The following SLC25A26 variants were observed in gnomAD, a reference collection of about 807,000 sequenced individuals.
SLC25A26 encodes the protein mitochondrial S-adenosylmethionine carrier protein.
SLC25A26 carries 36 observed loss-of-function variants against 37.8 expected under a neutral mutation model. The ratio of observed to expected loss-of-function variants is 0.95; its 90% CI spans 0.73 to 1.26. SLC25A26 has a LOEUF of 1.26. SLC25A26 is among the 50% of genes most tolerant of loss of function. SLC25A26 has a pLI of 0.00. For synonymous variants in SLC25A26, 129 were observed against 122.5 expected, an observed-to-expected ratio of 1.05 and a Z score of -0.35; for missense variants, 390 against 331.1, an observed-to-expected ratio of 1.18 and a Z score of -1.38.
intron 7 of SLC25A26, among the ~76,000 whole-genome samples, chr3:66,367,729 G>C (rs946339944): frequency 6.6e-6 from 1 of 150,990 alleles, no homozygotes; most frequent in African/African-American, 2.5e-5. Flanking sequence ...GAGAGAGAGA[G>C]AGACAGATAG....
At chr3:66,311,365 C>G (rs1271140410) in intron 5 of SLC25A26, among the ~76,000 whole-genome samples, 1 of 152,042 alleles carries the variant, frequency 6.6e-6, no homozygotes, top group Non-Finnish European at 1.5e-5. Context: ...CGTGTCTAAA[C>G]TGGTTATTCT....
At chr3:66,351,652 A>G (rs549539093) in intron 6 of SLC25A26, among the ~76,000 whole-genome samples, 13 of 152,296 alleles carry the variant, frequency 8.5e-5, no homozygotes, top group African/African-American at 2.4e-4. Context: ...CTGAGTGGCT[A>G]GGTCAGAACA....
At chr3:66,161,867 C>T (rs2070364429) in intron 1 of SLC25A26, among the ~76,000 whole-genome samples, 1 of 152,036 alleles carries the variant, frequency 6.6e-6, no homozygotes, top group African/African-American at 2.4e-5. Context: ...GAAGACAGAC[C>T]CAGAAAGGAG....
At chr3:66,340,472 C>T (rs1279840704) in intron 5 of SLC25A26, among the ~76,000 whole-genome samples, 1 of 151,710 alleles carries the variant, frequency 6.6e-6, no homozygotes, top group Admixed American at 6.6e-5. Context: ...TCTTGTGGTC[C>T]CAGAAATTTC....
chr3:66,290,087 A>T (rs2074653623), intron 5 of SLC25A26, among the ~76,000 whole-genome samples: 2 of 152,144 alleles, frequency 1.3e-5, no homozygotes, highest in Non-Finnish European at 2.9e-5. Flanking sequence ...GCAATTGTGA[A>T]TGGGAATTCA....
chr3:66,241,783 G>A (rs1269070867), intron 2 of SLC25A26, among the ~76,000 whole-genome samples: 1 of 152,122 alleles, frequency 6.6e-6, no homozygotes, highest in African/African-American at 2.4e-5. Flanking sequence ...GGATGTTTTT[G>A]TAAACCTATG....
At chr3:66,358,272 T>C (rs2076621973) in intron 6 of SLC25A26, among the ~76,000 whole-genome samples, 2 of 152,248 alleles carry the variant, frequency 1.3e-5, no homozygotes, top group African/African-American at 4.8e-5. Flanking sequence ...TATTGTTGTT[T>C]TATGAGTTTA....
At chr3:66,323,538 T>C (rs1407329083) in intron 5 of SLC25A26, among the ~76,000 whole-genome samples, 1 of 152,164 alleles carries the variant, frequency 6.6e-6, no homozygotes, top group Non-Finnish European at 1.5e-5. Flanking sequence ...TTTTTAAAGA[T>C]AGTTTGTCTG....
At chr3:66,214,147 C>T (rs976633605) in intron 1 of SLC25A26, among the ~76,000 whole-genome samples, 6 of 151,830 alleles carry the variant, frequency 4.0e-5, no homozygotes, top group Admixed American at 2.6e-4. Flanking sequence ...GGGGTGGATC[C>T]CTCTTGAATG....
At chr3:66,310,327 C>CT (rs1277197539) in intron 5 of SLC25A26, among the ~76,000 whole-genome samples, 1 of 151,890 alleles carries the variant, frequency 6.6e-6, no homozygotes, top group Non-Finnish European at 1.5e-5. Flanking sequence ...GCAACCCCTG[C>CT]TTTTTTTTGC....
chr3:66,367,707 CAGAGAGAG>C (rs71616221), intron 7 of SLC25A26, among the ~76,000 whole-genome samples: 1,687 of 136,868 alleles, frequency 0.012, 40 homozygotes, highest in African/African-American at 0.052. Context: ...CAGACAGACA[CAGAGAGAG>C]AGAGAGAGAG....
At chr3:66,146,758 T>A (rs62245235) in intron 1 of SLC25A26, among the ~76,000 whole-genome samples, 51,354 of 151,888 alleles carry the variant, frequency 0.34, 8,901 homozygotes, top group African/African-American at 0.4. Flanking sequence ...TAGTGGCGAA[T>A]TCTGAGATTT....
intron 5 of SLC25A26, among the ~76,000 whole-genome samples, chr3:66,318,838 T>C (rs372048372): frequency 2.2e-4 from 34 of 152,096 alleles, no homozygotes; most frequent in African/African-American, 8.0e-4. Context: ...ATTATAGAGA[T>C]GGTATCTCTC....
chr3:66,259,251 T>A (rs2073427382), intron 3 of SLC25A26, among the ~76,000 whole-genome samples: 2 of 152,350 alleles, frequency 1.3e-5, no homozygotes, highest in South Asian at 4.1e-4. Flanking sequence ...AGGGTTCCAT[T>A]ATTGGCTTTG....
chr3:66,343,137 C>T (rs745505771), intron 5 of SLC25A26, among the ~76,000 whole-genome samples: 14 of 152,328 alleles, frequency 9.2e-5, no homozygotes, highest in Non-Finnish European at 1.6e-4. Flanking sequence ...GGGGAGGGAG[C>T]TAGCTTTCTG....
chr3:66,281,155 A>T (rs12494398), intron 5 of SLC25A26, among the ~76,000 whole-genome samples: 1 of 152,098 alleles, frequency 6.6e-6, no homozygotes, highest in African/African-American at 2.4e-5. Context: ...TGAGTTCCTT[A>T]TGATTAGACT....
chr3:66,168,200 T>TATAC (rs1553649663), intron 1 of SLC25A26, among the ~76,000 whole-genome samples: 7 of 115,480 alleles, frequency 6.1e-5, no homozygotes, highest in African/African-American at 2.3e-4. Context: ...TATATATATA[T>TATAC]ACACACACAC....
intron 5 of SLC25A26, among the ~76,000 whole-genome samples, chr3:66,329,002 T>C (rs1227891114): frequency 6.6e-6 from 1 of 152,208 alleles, no homozygotes; most frequent in Non-Finnish European, 1.5e-5. Flanking sequence ...TTATGTATTA[T>C]GACGTATTTG....
intron 5 of SLC25A26, among the ~76,000 whole-genome samples, chr3:66,264,687 C>T (rs1197038841): frequency 6.6e-6 from 1 of 152,196 alleles, no homozygotes; most frequent in Non-Finnish European, 1.5e-5. Context: ...ACCACTGGTC[C>T]ATGGAAAATT....
Sources: allele counts gnomAD v4.1 joint callset (sites outside exome capture counted in the v4.1 genomes callset), GRCh38; gene constraint gnomAD v4.1.1; transcripts MANE v1.5; gene names NCBI Gene and HGNC (gene_info 2026-07-23, HGNC 2026-07-21).